Variants in KIF9 observed in about 807,000 individuals in gnomAD.
KIF9 encodes the protein kinesin family member 9, also known as kinesin-like protein KIF9.
A neutral mutation model predicts 94.8 loss-of-function variants in KIF9; 68 were observed. The ratio of observed to expected loss-of-function variants is 0.72; its 90% CI spans 0.59 to 0.88. KIF9 has a LOEUF of 0.88. Among genes scored for constraint, KIF9 ranks in the 40% least tolerant of loss-of-function variants. The pLI is 0.00. For synonymous variants in KIF9, 343 were observed against 362.1 expected (o/e 0.95, Z 0.60); for missense variants, 882 against 982.5 (o/e 0.90, Z 1.37).
chr3:47,241,797 A>ATG lies in KIF9; in HGVS notation c.1710-784_1710-783dup, dbSNP rs575762748. Among the ~76,000 whole-genome samples, 245 of 81,754 alleles carry ATG rather than the reference A, an allele frequency of 3.0e-3. 3 individuals are homozygous for ATG. Among genetic ancestry groups the ATG allele is most frequent in the African/African-American group, 0.01 (222 of 21,342 alleles). The allele number at this position is 81,754 out of a possible 152,430, so 53.6% of individuals were successfully genotyped here. Reference sequence around the variant, plus strand: ...TATATACATGTATATACGTGTATATATGTATATATGTATATATGTATATAT... The same window carrying ATG: ...TATATACATGTATATACGTGTATATATGTGTATATATGTATATATGTATATAT... On this transcript the variant is annotated intron_variant, in intron 16 of 20. Transcript: ENST00000684063.
At chr3:47,236,752 G>A in intron 17 of KIF9, 133 bp from the exon 18 acceptor site, 4 of 742,778 alleles carry the variant, frequency 5.4e-6, no homozygotes, top group Non-Finnish European at 8.9e-6. Flanking sequence ...CTGGCCCATG[G>A]CAAGGAGATG....
At chr3:47,249,826 G>A (rs1700155913) in intron 10 of KIF9, among the ~76,000 whole-genome samples, 1 of 152,216 alleles carries the variant, frequency 6.6e-6, no homozygotes, top group Admixed American at 6.5e-5. Flanking sequence ...GGGAGGCCAA[G>A]GCAGGTGGAT....
chr3:47,271,311 G>C lies in KIF9; in HGVS notation c.517C>G (p.Gln173Glu). The change falls in exon 5 of 21, where the codon CAA becomes GAA. Residue 173 changes from glutamine (Q) to glutamate (E), a missense_variant. Coordinates refer to ENST00000684063, the MANE Select transcript of KIF9 (RefSeq NM_182902.4). Reference sequence around the variant, plus strand: ...GACAAGCCCTTAATGAAGACTCCTTGAGGGTTTTCCACGATGGTCATTGGT... The same window carrying C: ...GACAAGCCCTTAATGAAGACTCCTTCAGGGTTTTCCACGATGGTCATTGGT... ...VTPMTIVENP[Q>E]GVFIKGLSVH... 5 of 1,614,096 alleles carry C rather than the reference G, an allele frequency of 3.1e-6. No homozygotes were observed. The highest frequency in any genetic ancestry group is 3.4e-6 in the Non-Finnish European group (4 of 1,179,996).
chr3:47,262,560 A>G (rs1050792598), intron 9 of KIF9, among the ~76,000 whole-genome samples: 35 of 152,198 alleles, frequency 2.3e-4, no homozygotes, highest in African/African-American at 7.7e-4. Context: ...GGCATGAGCC[A>G]TTACACCTGG....
At chr3:47,265,454 G>A (rs1158180098) in intron 8 of KIF9, among the ~76,000 whole-genome samples, 1 of 152,188 alleles carries the variant, frequency 6.6e-6, no homozygotes, top group East Asian at 1.9e-4. Context: ...GAAGGATTCT[G>A]CCAGCTGTCT....
intron 9 of KIF9, among the ~76,000 whole-genome samples, chr3:47,259,383 G>A (rs555988211): frequency 2.6e-5 from 4 of 152,328 alleles, no homozygotes; most frequent in East Asian, 1.9e-4. Context: ...GACAGGAGGC[G>A]TACTGGGCTC....
At chr3:47,276,199 C>A (rs894926711) in intron 2 of KIF9, among the ~76,000 whole-genome samples, 1 of 152,160 alleles carries the variant, frequency 6.6e-6, no homozygotes, top group African/African-American at 2.4e-5. Flanking sequence ...TTGCTGAAAT[C>A]TTACACTGAC....
At chr3:47,236,185 C>A in intron 18 of KIF9, 36 bp from the exon 19 acceptor site, 5 of 1,466,718 alleles carry the variant, frequency 3.4e-6, no homozygotes, top group Non-Finnish European at 3.8e-6. Flanking sequence ...TTGAGGAAGC[C>A]GGTAAGGGCT....
chr3:47,272,700 C>T (rs751961310), intron 4 of KIF9, among the ~76,000 whole-genome samples: 135 of 151,970 alleles, frequency 8.9e-4, no homozygotes, highest in Non-Finnish European at 1.6e-3. Flanking sequence ...TTTATTTTTA[C>T]TTTTTAAAAT....
Position 47,271,409 on chromosome 3 carries a change from G to A in KIF9, c.419C>T (p.Ser140Phe). The change falls in exon 5 of 21, where the codon TCC (serine) becomes TTC (phenylalanine). Residue 140 changes from serine to phenylalanine, a missense_variant. Transcript: ENST00000684063. The part of the protein sequence containing the change: ...RPTHAITVRV[S>F]YLEIYNESLF... ...GCTCTCATTATAGATTTCCAAGTAG[G>A]AAACACGCACAGTGATGGCATGTGT... is the stretch of plus-strand genomic sequence containing the variant. The A allele has an allele frequency of 2.5e-6, 4 of 1,614,058 alleles. No individual in the cohort carries two copies. Among genetic ancestry groups the A allele is most frequent in the South Asian group, 1.1e-5 (1 of 91,070 alleles).
At chr3:47,256,210 C>T (rs1427911661) in intron 10 of KIF9, among the ~76,000 whole-genome samples, 1 of 152,132 alleles carries the variant, frequency 6.6e-6, no homozygotes, top group South Asian at 2.1e-4. Context: ...AGCGTCTCTG[C>T]GTGGCCGCCC....
chr3:47,275,542 A>AC (rs1701912335), intron 2 of KIF9, 52 bp from the exon 3 acceptor site: 2 of 1,445,888 alleles, frequency 1.4e-6, no homozygotes, highest in African/African-American at 2.8e-5. Context: ...AAAAATGGGT[A>AC]TAAAAAAAAT....
chr3:47,252,837 AC>A (rs1293632000), intron 10 of KIF9, among the ~76,000 whole-genome samples: 1 of 151,638 alleles, frequency 6.6e-6, no homozygotes, highest in Non-Finnish European at 1.5e-5. Flanking sequence ...ACACAATGAA[AC>A]CCCGTCTCTA....
chr3:47,280,944 G>C (rs1321417326), intron 1 of KIF9: 2 of 703,032 alleles, frequency 2.8e-6, no homozygotes, highest in East Asian at 5.4e-5. Context: ...ATGCCATCTT[G>C]CACTTACTGA....
At chr3:47,267,839 A>T (rs1701382221) in intron 5 of KIF9, among the ~76,000 whole-genome samples, 1 of 150,398 alleles carries the variant, frequency 6.6e-6, no homozygotes, top group East Asian at 1.9e-4. Flanking sequence ...CTATAAAAAT[A>T]ATAATTTATA....
chr3:47,247,559 A>G (rs1290518678), intron 11 of KIF9, 82 bp from the exon 12 acceptor site: 2 of 1,098,686 alleles, frequency 1.8e-6, no homozygotes, highest in Non-Finnish European at 2.8e-6. Context: ...TCTGAGAGGC[A>G]AAGTGGGGAG....
At chr3:47,238,905 T>C (rs925138130) in intron 17 of KIF9, among the ~76,000 whole-genome samples, 3 of 151,734 alleles carry the variant, frequency 2.0e-5, no homozygotes, top group African/African-American at 7.3e-5. Flanking sequence ...CCTCGTGATC[T>C]GCCCGCCTCG....
Position 47,265,763 on chromosome 3 carries a change from A to G in KIF9, c.883T>C (p.Cys295Arg). 1 of 1,614,130 alleles carries G rather than the reference A, an allele frequency of 6.2e-7. No individual in the cohort carries two copies. The highest frequency in any genetic ancestry group is 8.5e-7 in the Non-Finnish European group (1 of 1,180,016). ...TCCTTCAGAGCGTGGGTGAGCTTGC[A>G]CTGCCGAAAGGGGATGTGGTCCCGC... is the stretch of plus-strand genomic sequence containing the variant. ...QKRDHIPFRQ[C>R]KLTHALKDSL... The change falls in exon 8 of 21, where the codon TGC becomes CGC. Residue 295 changes from cysteine to arginine, a missense_variant. By Grantham distance (180) the Cys-to-Arg change is radical (BLOSUM62 -3). Transcript: ENST00000684063.
chr3:47,246,074 G>A, intron 13 of KIF9, 123 bp downstream of exon 13: 1 of 761,588 alleles, frequency 1.3e-6, no homozygotes, highest in South Asian at 1.8e-5. Context: ...ATGCCCCCAA[G>A]GACTCTGATT....
Sources: allele counts gnomAD v4.1 joint callset (sites outside exome capture counted in the v4.1 genomes callset), GRCh38; gene constraint gnomAD v4.1.1; transcripts MANE v1.5; gene names NCBI Gene and HGNC (gene_info 2026-07-23, HGNC 2026-07-21).